MRPL30: variants seen among roughly 807,000 people sequenced by gnomAD.
The protein encoded by MRPL30 is mitochondrial ribosomal protein L30.
Under a neutral mutation model 17.2 loss-of-function variants are expected in MRPL30, and 10 were observed. That is an observed-to-expected ratio of 0.58 (90% CI 0.36 to 0.99). The LOEUF is 0.99. MRPL30 is among the 50% of genes least tolerant of loss of function. MRPL30 has a pLI of 0.01. For missense variants in MRPL30, 170 were observed against 189.8 expected (o/e 0.90, Z 0.61); for synonymous variants, 61 against 62.1 (o/e 0.98, Z 0.08).
rs2093959373 is a variant in MRPL30, at chr2:99,199,068, C to T, written c.*3363C>T. On this transcript the variant is annotated 3_prime_UTR_variant, in exon 6 of 6. Transcript: ENST00000338148. ...GATTTTGACATGAACAAGATTGCTTCTTTGGGAGGTACCTTAAAATGAAAA... is the reference window on the plus strand; with the variant it reads ...GATTTTGACATGAACAAGATTGCTTTTTTGGGAGGTACCTTAAAATGAAAA... 6.6e-6 allele frequency among the ~76,000 whole-genome samples: 1 copy of T among 152,084 alleles called. No homozygotes were observed. Among genetic ancestry groups the T allele is most frequent in the Non-Finnish European group, 1.5e-5 (1 of 68,016 alleles).
At chr2:99,186,277 T>G (rs2093933902) in intron 2 of MRPL30, 23 bp downstream of exon 2, 10 of 1,610,648 alleles carry the variant, frequency 6.2e-6, no homozygotes, top group Non-Finnish European at 7.6e-6. Context: ...TTTCAAGAAT[T>G]TGTCTTTTCT....
In MRPL30 at chr2:99,186,174, C is replaced by T; in HGVS notation, c.-27-3C>T. 1 of 1,609,854 alleles carries T rather than the reference C, an allele frequency of 6.2e-7. No homozygotes were observed. Among genetic ancestry groups the T allele is most frequent in the South Asian group, 1.1e-5 (1 of 90,870 alleles). On this transcript the variant is annotated splice_polypyrimidine_tract_variant and splice_region_variant and intron_variant, in intron 1 of 5. Coordinates refer to ENST00000338148, the MANE Select transcript of MRPL30 (RefSeq NM_145212.4). ...TGATGGGTCTACTTCCTACTTCCCA[C>T]AGCCTCTAAAGAGAGCAATCACTAC...
At chr2:99,189,387 C>A (rs1288758460) in intron 3 of MRPL30, among the ~76,000 whole-genome samples, 2 of 152,200 alleles carry the variant, frequency 1.3e-5, no homozygotes, top group Non-Finnish European at 2.9e-5. Flanking sequence ...TAGCTGAAAT[C>A]ATATGGTATG....
In MRPL30 at chr2:99,194,785, AC is replaced by A; in HGVS notation, c.168del (p.Tyr56Ter). 1 of 1,595,524 alleles carries A rather than the reference AC, an allele frequency of 6.3e-7. No homozygotes were observed. The highest frequency in any genetic ancestry group is 1.2e-5 in the South Asian group (1 of 86,488). On this transcript the variant is annotated frameshift_variant, in exon 4 of 6. Transcript: ENST00000338148. LOFTEE classifies it high-confidence loss of function. ...GCCTCACCTGAAGATCATGAAAAATACGGTGGGGATCCACAGAACCCTCATA... is the reference window on the plus strand; with the variant it reads ...GCCTCACCTGAAGATCATGAAAAATAGGTGGGGATCCACAGAACCCTCATA... ...FQASPEDHEK[Y>X]GGDPQNPHKL...
rs1463099743 is a variant in MRPL30, at chr2:99,194,863, A to G, written c.245A>G (p.Glu82Gly). 6.3e-7 allele frequency: 1 copy of G among 1,584,258 alleles called. No homozygotes were observed. ...AGTACAAGAAGACGTCCATATTGGG[A>G]AAAAGATATAATAAAGATGCTTGGA... The part of the protein sequence containing the change: ...IKSTRRRPYW[E>G]KDIIKMLGLE... The change falls in exon 4 of 6, where the codon GAA becomes GGA. Residue 82 changes from glutamate to glycine, a missense_variant. Physicochemically the swap from Glu to Gly is moderately conservative, Grantham distance 98. Transcript: ENST00000338148.
Position 99,197,395 on chromosome 2 carries a change from C to T in MRPL30, c.*1690C>T, listed in dbSNP as rs2093956678. The T allele has an allele frequency of 6.6e-6, 1 of 152,170 alleles. No individual in the cohort carries two copies. The highest frequency in any genetic ancestry group is 1.5e-5 in the Non-Finnish European group (1 of 68,048). 9.4% of individuals were successfully genotyped at this position (152,170 alleles called of 1,614,324 possible). A position where few individuals can be genotyped will look rare whatever the true frequency, so the allele number is the denominator to read the frequency against. On this transcript the variant is annotated 3_prime_UTR_variant, in exon 6 of 6. Transcript: ENST00000338148. Reference sequence around the variant, plus strand: ...TGCGTTAAAGTGGAAGTGCCACCCACAGTGAAACCAGATCCCATTAATAAA... The same window carrying T: ...TGCGTTAAAGTGGAAGTGCCACCCATAGTGAAACCAGATCCCATTAATAAA...
intron 5 of MRPL30, 147 bp downstream of exon 5, chr2:99,195,336 G>T (rs2093953364): frequency 1.2e-6 from 1 of 817,936 alleles, no homozygotes; most frequent in Non-Finnish European, 1.8e-6. Context: ...CATAATAATT[G>T]TACATATTTA....
chr2:99,194,961 A>C, intron 4 of MRPL30, 64 bp downstream of exon 4: 1 of 1,425,290 alleles, frequency 7.0e-7, no homozygotes, highest in South Asian at 1.4e-5. Context: ...TACTTTTAAA[A>C]CTTTGCGGTA....
intron 3 of MRPL30, among the ~76,000 whole-genome samples, chr2:99,189,959 CAA>C (rs35594540): frequency 2.8e-5 from 4 of 140,402 alleles, no homozygotes; most frequent in Admixed American, 7.1e-5. Context: ...CAGTCTCTAC[CAA>C]AAAAAAAAAA....
At chr2:99,189,817 A>G (rs755011600) in intron 3 of MRPL30, among the ~76,000 whole-genome samples, 2 of 152,200 alleles carry the variant, frequency 1.3e-5, no homozygotes, top group African/African-American at 4.8e-5. Context: ...GTGCTATTCA[A>G]TGGCATTAAG....
rs1353582914 is a variant in MRPL30, at chr2:99,197,166, G to A, written c.*1461G>A. On this transcript the variant is annotated 3_prime_UTR_variant, in exon 6 of 6. Transcript: ENST00000338148. ...TTTTCTATTTTAGATACCTGGAGGG[G>A]TGGGGAGAAGTAAGAATTGTAAGGG... is the stretch of plus-strand genomic sequence containing the variant. 4 of 152,266 alleles carry A rather than the reference G, an allele frequency of 2.6e-5. No homozygotes were observed. The highest frequency in any genetic ancestry group is 6.5e-5 in the Admixed American group (1 of 15,296). The allele number at this position is 152,266 out of a possible 1,614,324, so 9.4% of individuals were successfully genotyped here.
At chr2:99,187,775 C>A (rs772180172) in intron 2 of MRPL30, among the ~76,000 whole-genome samples, 22 of 152,016 alleles carry the variant, frequency 1.4e-4, no homozygotes, top group Non-Finnish European at 3.1e-4. Flanking sequence ...TTGCAGTGAG[C>A]CGAGATTGCG....
At position 99,198,436 on chromosome 2, in the gene MRPL30, A is replaced by T. The variant is rs2093958535; in HGVS notation, c.*2731A>T. Among the ~76,000 whole-genome samples, 1 of 152,224 alleles carries T rather than the reference A, an allele frequency of 6.6e-6. No individual in the cohort carries two copies. The highest frequency in any genetic ancestry group is 2.4e-5 in the African/African-American group (1 of 41,470). On this transcript the variant is annotated 3_prime_UTR_variant, in exon 6 of 6. Transcript: ENST00000338148. Reference sequence around the variant, plus strand: ...TTCTTCCAAAACCAGCATTGGAGACAGACTAGCAAGATGGGCACTACACTC... The same window carrying T: ...TTCTTCCAAAACCAGCATTGGAGACTGACTAGCAAGATGGGCACTACACTC...
chr2:99,193,835 G>A (rs1390143537), intron 3 of MRPL30, among the ~76,000 whole-genome samples: 1 of 151,994 alleles, frequency 6.6e-6, no homozygotes. Flanking sequence ...TCAGGAGTTC[G>A]AGACCAGCCT....
intron 1 of MRPL30, among the ~76,000 whole-genome samples, chr2:99,183,190 G>T (rs1202357577): frequency 1.3e-5 from 2 of 152,136 alleles, no homozygotes; most frequent in Non-Finnish European, 2.9e-5. Flanking sequence ...CATGTCTGGT[G>T]ATTGAGCAAG....
At position 99,198,349 on chromosome 2, in the gene MRPL30, A is replaced by C. The variant is rs1185864581; in HGVS notation, c.*2644A>C. 6.6e-6 allele frequency among the ~76,000 whole-genome samples: 1 copy of C among 152,230 alleles called. No individual in the cohort carries two copies. ...TTGACAGGGAAGGGATCTGCTCCCA[A>C]GCACTCTCAGGTTGTTGGCAGAATT... On this transcript the variant is annotated 3_prime_UTR_variant, in exon 6 of 6. Transcript: ENST00000338148.
rs960996853 is a variant in MRPL30 at position 99,197,882 on chromosome 2, G to T, written c.*2177G>T. On this transcript the variant is annotated 3_prime_UTR_variant, in exon 6 of 6. Coordinates refer to ENST00000338148, the MANE Select transcript of MRPL30 (RefSeq NM_145212.4). The stretch of plus-strand genomic sequence containing the variant: ...TGATCTGGAGCTTCTAATCTCAAAT[G>T]ATTCTCCTGCCTCAGCCTCCCAAAG... Among the ~76,000 whole-genome samples, 1 of 152,110 alleles carries T rather than the reference G, an allele frequency of 6.6e-6. No individual in the cohort carries two copies. The highest frequency in any genetic ancestry group is 1.5e-5 in the Non-Finnish European group (1 of 68,014).
chr2:99,184,808 T>A (rs2093931240), intron 1 of MRPL30, among the ~76,000 whole-genome samples: 1 of 152,230 alleles, frequency 6.6e-6, no homozygotes, highest in Non-Finnish European at 1.5e-5. Context: ...GGTCTGGCTG[T>A]CTTCAGGAGA....
At position 99,195,529 on chromosome 2, in the gene MRPL30, T is replaced by C. The variant is rs7572019; in HGVS notation, c.354-44T>C. On this transcript the variant is annotated intron_variant, in intron 5 of 5. Coordinates refer to ENST00000338148, the MANE Select transcript of MRPL30 (RefSeq NM_145212.4). ...GTTATCCTGCGGGGATATAGAACGCTAGAACGTATTCCTCCTATCTAAACG... is the reference window on the plus strand; with the variant it reads ...GTTATCCTGCGGGGATATAGAACGCCAGAACGTATTCCTCCTATCTAAACG... 154 of 1,572,138 alleles carry C rather than the reference T, an allele frequency of 9.8e-5. No homozygotes were observed. The African/African-American group carries it at 2.0e-3, about 21-fold the overall frequency.
Sources: allele counts gnomAD v4.1 joint callset (sites outside exome capture counted in the v4.1 genomes callset), GRCh38; gene constraint gnomAD v4.1.1; transcripts MANE v1.5; gene names NCBI Gene and HGNC (gene_info 2026-07-23, HGNC 2026-07-21).